Variants in SLC17A1 observed in about 807,000 individuals in gnomAD.
SLC17A1 encodes the protein sodium-dependent phosphate transport protein 1.
Under a neutral mutation model 53.5 loss-of-function variants are expected in SLC17A1, and 51 were observed. The observed-to-expected ratio is 0.95, with a 90% CI of 0.76 to 1.20. The LOEUF (loss-of-function observed/expected upper bound fraction) is 1.20. SLC17A1 is among the 50% of genes most tolerant of loss of function. SLC17A1 has a pLI of 0.00. For synonymous variants in SLC17A1, 179 were observed against 198.8 expected (o/e 0.90, Z 0.84); for missense variants, 538 against 568.2 (o/e 0.95, Z 0.54).
the SLC17A1 span, among the ~76,000 whole-genome samples, chr6:25,736,854 A>G: frequency 2.6e-5 from 4 of 152,226 alleles, no homozygotes; most frequent in Admixed American, 6.5e-5. Context: ...GTCCAACTGA[A>G]CTCATTATGA....
At chr6:25,726,294 G>C in the SLC17A1 span, 3 of 1,614,154 alleles carry the variant, frequency 1.9e-6, no homozygotes, top group South Asian at 1.1e-5. Context: ...GGGGAATAAT[G>C]CGAGTTTTTT....
At chr6:25,798,971 T>C in intron 11 of SLC17A1, 52 bp from the exon 12 acceptor site, 1 of 1,496,560 alleles carries the variant, frequency 6.7e-7, no homozygotes, top group Non-Finnish European at 9.0e-7. Context: ...TGTTTTTTTG[T>C]TTTGTAATGT....
At chr6:25,734,977 C>T in the SLC17A1 span, among the ~76,000 whole-genome samples, 1 of 152,154 alleles carries the variant, frequency 6.6e-6, no homozygotes, top group African/African-American at 2.4e-5. Flanking sequence ...TATTGGAAAT[C>T]AACAGTTCTC....
chr6:25,765,729 G>A, the SLC17A1 span, among the ~76,000 whole-genome samples: 1 of 152,066 alleles, frequency 6.6e-6, no homozygotes, highest in Non-Finnish European at 1.5e-5. Flanking sequence ...AGAAAACAAA[G>A]ATTGTGTAAT....
At chr6:25,788,579 G>T (rs559315406) in intron 12 of SLC17A1, among the ~76,000 whole-genome samples, 1 of 152,198 alleles carries the variant, frequency 6.6e-6, no homozygotes, top group Non-Finnish European at 1.5e-5. Context: ...TCTGAGCTGG[G>T]TGACAGCCTC....
At chr6:25,768,973 T>A in the SLC17A1 span, 3 of 1,613,026 alleles carry the variant, frequency 1.9e-6, no homozygotes, top group African/African-American at 4.0e-5. Context: ...TTTCATGCCC[T>A]TTTCCTCTCA....
intron 10 of SLC17A1, among the ~76,000 whole-genome samples, chr6:25,804,860 C>T (rs1032972349): frequency 6.6e-6 from 1 of 152,048 alleles, no homozygotes; most frequent in African/African-American, 2.4e-5. Flanking sequence ...GTGGACCTAA[C>T]ATTGGAGCTC....
At chr6:25,773,426 T>C in the SLC17A1 span, 2 of 1,612,704 alleles carry the variant, frequency 1.2e-6, no homozygotes, top group South Asian at 1.1e-5. Flanking sequence ...CATTTCTCTA[T>C]GTCCCTCTAG....
the SLC17A1 span, among the ~76,000 whole-genome samples, chr6:25,768,153 G>C: frequency 8.8e-4 from 134 of 152,240 alleles, no homozygotes; most frequent in African/African-American, 2.6e-3. Flanking sequence ...GGCTGGGTTG[G>C]GGATGGGGAA....
At chr6:25,796,741 T>C (rs115376276) in intron 12 of SLC17A1, among the ~76,000 whole-genome samples, 1,703 of 152,330 alleles carry the variant, frequency 0.011, 28 homozygotes, top group African/African-American at 0.036. Flanking sequence ...TTATTGTTTG[T>C]ATAGTTTTCC....
the SLC17A1 span, among the ~76,000 whole-genome samples, chr6:25,724,649 C>T: frequency 6.6e-6 from 1 of 152,288 alleles, no homozygotes; most frequent in Non-Finnish European, 1.5e-5. Context: ...TCAAGTCCCT[C>T]CTCCTCTGCC....
intron 10 of SLC17A1, among the ~76,000 whole-genome samples, chr6:25,804,003 C>G (rs1763871985): frequency 1.3e-5 from 2 of 152,152 alleles, no homozygotes; most frequent in African/African-American, 4.8e-5. Context: ...ATCTGTGCTT[C>G]TAATCATAAG....
intron 12 of SLC17A1, among the ~76,000 whole-genome samples, chr6:25,790,812 C>T (rs1763484236): frequency 2.6e-5 from 4 of 152,244 alleles, no homozygotes; most frequent in African/African-American, 9.6e-5. Flanking sequence ...ATAAAGGAAT[C>T]CCAATATTAG....
At chr6:25,754,144 G>C in the SLC17A1 span, among the ~76,000 whole-genome samples, 1 of 152,104 alleles carries the variant, frequency 6.6e-6, no homozygotes, top group African/African-American at 2.4e-5. Flanking sequence ...GGGCTGTCTT[G>C]TTGCTGATGG....
chr6:25,802,721 C>T (rs553484493), intron 10 of SLC17A1, among the ~76,000 whole-genome samples: 53 of 151,924 alleles, frequency 3.5e-4, no homozygotes, highest in Non-Finnish European at 6.0e-4. Flanking sequence ...GTTAAGAAGG[C>T]AGATGTCAAT....
chr6:25,739,840 T>A, the SLC17A1 span, among the ~76,000 whole-genome samples: 1 of 152,118 alleles, frequency 6.6e-6, no homozygotes, highest in Non-Finnish European at 1.5e-5. Context: ...ATTAAGGAGA[T>A]CTTTGTGATG....
At chr6:25,781,605 C>T (rs1422638397), downstream of SLC17A1, among the ~76,000 whole-genome samples, 2 of 152,184 alleles carry the variant, frequency 1.3e-5, no homozygotes, top group East Asian at 1.9e-4. Flanking sequence ...CTGCATCTGG[C>T]GAGGGCCTCA....
the SLC17A1 span, among the ~76,000 whole-genome samples, chr6:25,728,870 C>T: frequency 6.6e-6 from 1 of 152,152 alleles, no homozygotes; most frequent in Admixed American, 6.5e-5. Context: ...ATAAGTGCCC[C>T]CACACTTTTG....
chr6:25,776,942 C>T, the SLC17A1 span: 16 of 1,612,892 alleles, frequency 9.9e-6, no homozygotes, highest in Non-Finnish European at 1.4e-5. Flanking sequence ...TTGTTAACTT[C>T]TTGGATATTG....
Sources: gnomAD v4.1 joint callset for allele counts (sites outside exome capture counted in the v4.1 genomes callset) on GRCh38, gnomAD v4.1.1 for gene constraint, MANE v1.5 for transcripts, NCBI Gene and HGNC (gene_info 2026-07-23, HGNC 2026-07-21) for gene names.